Variants in PHACTR1 observed in about 807,000 individuals in gnomAD.
PHACTR1 encodes RPEL repeat containing 1.
In PHACTR1, 16 loss-of-function variants were observed where a neutral mutation model predicts 69.2. That is an observed-to-expected ratio of 0.23 (90% CI 0.16 to 0.35). The LOEUF (loss-of-function observed/expected upper bound fraction) is 0.35, where lower values mean the gene tolerates loss of function less well. Among genes scored for constraint, PHACTR1 ranks in the 10% least tolerant of loss-of-function variants. The pLI is 1.00. For missense variants in PHACTR1, 510 were observed against 734.7 expected, an observed-to-expected ratio of 0.69 and a Z score of 3.54; for synonymous variants, 312 against 284.5, an observed-to-expected ratio of 1.10 and a Z score of -0.97.
chr6:12,772,269 T>A (rs1769484580), intron 4 of PHACTR1, among the ~76,000 whole-genome samples: 1 of 152,224 alleles, frequency 6.6e-6, no homozygotes, highest in Admixed American at 6.5e-5. Context: ...CAGATGCTAA[T>A]TCAGGATATG....
At chr6:13,122,047 G>A (rs575873629) in intron 5 of PHACTR1, among the ~76,000 whole-genome samples, 3 of 152,264 alleles carry the variant, frequency 2.0e-5, no homozygotes, top group South Asian at 4.1e-4. Context: ...TTTATGGTGT[G>A]ACTGCCTTTG....
intron 3 of PHACTR1, among the ~76,000 whole-genome samples, chr6:12,726,674 A>G (rs980651450): frequency 1.3e-5 from 2 of 152,080 alleles, no homozygotes; most frequent in Non-Finnish European, 1.5e-5. Context: ...TGAGCCCTTC[A>G]TGTCATGACC....
chr6:13,147,953 G>A (rs1823662332), intron 5 of PHACTR1, among the ~76,000 whole-genome samples: 1 of 152,114 alleles, frequency 6.6e-6, no homozygotes, highest in African/African-American at 2.4e-5. Context: ...CTTTCTAATT[G>A]TAATTCCCCT....
At chr6:13,192,111 T>TA (rs1162438307) in intron 7 of PHACTR1, among the ~76,000 whole-genome samples, 2 of 152,232 alleles carry the variant, frequency 1.3e-5, no homozygotes, top group Non-Finnish European at 2.9e-5. Flanking sequence ...CCAGCCCTCA[T>TA]ACAATGTACA....
chr6:13,129,180 A>G (rs1210385317), intron 5 of PHACTR1, among the ~76,000 whole-genome samples: 5 of 152,210 alleles, frequency 3.3e-5, no homozygotes, highest in Non-Finnish European at 7.4e-5. Flanking sequence ...CAAAACCTCA[A>G]AATACAGCAA....
At chr6:12,960,659 G>A (rs943438218) in intron 4 of PHACTR1, among the ~76,000 whole-genome samples, 2 of 152,156 alleles carry the variant, frequency 1.3e-5, no homozygotes, top group Non-Finnish European at 2.9e-5. Context: ...CCTTCTAATG[G>A]ATGTAGTGGG....
chr6:12,881,213 G>A (rs758819741), intron 4 of PHACTR1, among the ~76,000 whole-genome samples: 3 of 152,164 alleles, frequency 2.0e-5, no homozygotes, highest in African/African-American at 4.8e-5. Flanking sequence ...AAGGACAGTG[G>A]GGGCTCTTGT....
chr6:12,747,954 A>C (rs1766021089), intron 3 of PHACTR1, among the ~76,000 whole-genome samples: 1 of 152,214 alleles, frequency 6.6e-6, no homozygotes, highest in Admixed American at 6.5e-5. Context: ...CAGATTAGGG[A>C]GATAGCCTAG....
At chr6:12,764,213 C>T (rs924838706) in intron 4 of PHACTR1, among the ~76,000 whole-genome samples, 11 of 152,204 alleles carry the variant, frequency 7.2e-5, no homozygotes, top group African/African-American at 2.7e-4. Context: ...AATACTAGTG[C>T]ATTGATTCAA....
At chr6:12,925,563 A>C (rs1433232962) in intron 4 of PHACTR1, among the ~76,000 whole-genome samples, 1 of 152,244 alleles carries the variant, frequency 6.6e-6, no homozygotes, top group Non-Finnish European at 1.5e-5. Context: ...AGTGGGATTT[A>C]ACAGATTTGC....
At chr6:13,254,648 A>T (rs1275717731) in intron 10 of PHACTR1, among the ~76,000 whole-genome samples, 1 of 152,240 alleles carries the variant, frequency 6.6e-6, no homozygotes, top group Non-Finnish European at 1.5e-5. Context: ...TAATTATGAT[A>T]ACCTGAGGAG....
At chr6:13,263,651 T>C (rs896130653) in intron 10 of PHACTR1, among the ~76,000 whole-genome samples, 1 of 152,216 alleles carries the variant, frequency 6.6e-6, no homozygotes, top group Non-Finnish European at 1.5e-5. Context: ...CCAAAAATCA[T>C]TGCCTTTGAC....
In PHACTR1 at chr6:12,966,441, A is replaced by G. The variant is rs958723860; in HGVS notation, c.251-86924A>G. Among the ~76,000 whole-genome samples the G allele has an allele frequency of 2.0e-5, 3 of 152,248 alleles. No homozygotes were observed. The East Asian group carries it at 5.8e-4, about 29-fold the overall frequency. On this transcript the variant is annotated intron_variant, in intron 4 of 14. Coordinates refer to ENST00000332995, the MANE Select transcript of PHACTR1 (RefSeq NM_030948.6). The stretch of plus-strand genomic sequence containing the variant: ...CAGAACAGGGAATGCAAACCCAGGC[A>G]AGGGGACCCTGGCTGGTTGTGATCA...
chr6:13,042,326 C>T lies in PHACTR1; in HGVS notation c.251-11039C>T, dbSNP rs186269701. ...ATTTCACGTTTTAGGGACTGGCAGG[C>T]AGCACTGAAGTATGATGGAATTTTC... On this transcript the variant is annotated intron_variant, in intron 4 of 14. Transcript: ENST00000332995. Among the ~76,000 whole-genome samples, 64 of 152,274 alleles carry T rather than the reference C, an allele frequency of 4.2e-4. No individual in the cohort carries two copies. The Middle Eastern group carries it at 0.027, about 65-fold the overall frequency.
At chr6:12,777,241 A>T (rs1977598) in intron 4 of PHACTR1, among the ~76,000 whole-genome samples, 92,845 of 134,018 alleles carry the variant, frequency 0.69, 29,795 homozygotes, top group East Asian at 0.91. Flanking sequence ...ATATATATAT[A>T]TTTTTTTAAT....
Position 13,126,940 on chromosome 6 carries a change from C to T in PHACTR1, c.416-33264C>T, listed in dbSNP as rs143669460. 5.9e-3 allele frequency among the ~76,000 whole-genome samples: 896 copies of T among 152,248 alleles called. 14 individuals carry two copies. The highest frequency in any genetic ancestry group is 0.035 in the South Asian group (167 of 4,826). The stretch of plus-strand genomic sequence containing the variant: ...GCCTGAGAGTTACATTGATATAAGA[C>T]AGAATCAACAGGAGAAAAGTATACA... On this transcript the variant is annotated intron_variant, in intron 5 of 14. Coordinates refer to ENST00000332995, the MANE Select transcript of PHACTR1 (RefSeq NM_030948.6).
At chr6:12,763,280 C>T (rs891392506) in intron 4 of PHACTR1, among the ~76,000 whole-genome samples, 2 of 152,076 alleles carry the variant, frequency 1.3e-5, no homozygotes, top group Admixed American at 6.6e-5. Flanking sequence ...TAAATGACAA[C>T]ATGTATTAAG....
intron 6 of PHACTR1, among the ~76,000 whole-genome samples, chr6:13,169,206 T>C (rs1760250996): frequency 6.6e-6 from 1 of 152,124 alleles, no homozygotes; most frequent in South Asian, 2.1e-4. Flanking sequence ...GATTTGGGCG[T>C]GGGCGACTGG....
chr6:12,944,754 ATTATTTAT>A (rs1181743004), intron 4 of PHACTR1, among the ~76,000 whole-genome samples: 6 of 147,666 alleles, frequency 4.1e-5, no homozygotes, highest in African/African-American at 1.0e-4. Context: ...CACCTTTTGA[ATTATTTAT>A]TTATTTATTT....
Sources: gnomAD v4.1 joint callset for allele counts (sites outside exome capture counted in the v4.1 genomes callset) on GRCh38, gnomAD v4.1.1 for gene constraint, MANE v1.5 for transcripts, NCBI Gene and HGNC (gene_info 2026-07-23, HGNC 2026-07-21) for gene names.